Variants in FAM83B observed in about 807,000 individuals in gnomAD.
The protein encoded by FAM83B is protein FAM83B.
Under a neutral mutation model 38.8 loss-of-function variants are expected in FAM83B, and 26 were observed. That is an observed-to-expected ratio of 0.67 (90% CI 0.49 to 0.93). The LOEUF is 0.93. FAM83B is among the 40% of genes least tolerant of loss of function. FAM83B has a pLI of 0.00. For synonymous variants in FAM83B, 419 were observed against 423.1 expected (o/e 0.99, Z 0.12); for missense variants, 1,237 against 1,197.3 (o/e 1.03, Z -0.49).
At chr6:54,936,308 C>T (rs1056360348) in intron 4 of FAM83B, among the ~76,000 whole-genome samples, 2 of 152,104 alleles carry the variant, frequency 1.3e-5, no homozygotes, top group African/African-American at 4.8e-5. Flanking sequence ...CTAACCTCAA[C>T]ACTTGGAAGT....
At chr6:54,896,698 T>G (rs548249872) in intron 2 of FAM83B, among the ~76,000 whole-genome samples, 1 of 152,358 alleles carries the variant, frequency 6.6e-6, no homozygotes, top group African/African-American at 2.4e-5. Flanking sequence ...CAGAGTATTT[T>G]TAAATAATAC....
intron 2 of FAM83B, among the ~76,000 whole-genome samples, chr6:54,896,553 C>T (rs1408471646): frequency 6.6e-6 from 1 of 152,134 alleles, no homozygotes; most frequent in Non-Finnish European, 1.5e-5. Context: ...GAAGGGTTAG[C>T]TTGACGTCTA....
At chr6:54,902,267 A>C (rs1772676202) in intron 2 of FAM83B, among the ~76,000 whole-genome samples, 2 of 152,020 alleles carry the variant, frequency 1.3e-5, no homozygotes, top group African/African-American at 2.4e-5. Flanking sequence ...TCTGGATTAT[A>C]TTTCTCAAGC....
intron 2 of FAM83B, among the ~76,000 whole-genome samples, chr6:54,885,744 A>G (rs1397240242): frequency 6.7e-6 from 1 of 149,944 alleles, no homozygotes; most frequent in African/African-American, 2.5e-5. Context: ...GCACGTTCTC[A>G]CTCATAGGTG....
intron 1 of FAM83B, among the ~76,000 whole-genome samples, chr6:54,866,035 A>G (rs1771693569): frequency 1.3e-5 from 2 of 151,692 alleles, no homozygotes; most frequent in African/African-American, 4.8e-5. Context: ...ATTCCTTAAA[A>G]TAACCCAAGA....
chr6:54,903,249 A>G (rs1234779719), intron 2 of FAM83B, among the ~76,000 whole-genome samples: 3 of 152,194 alleles, frequency 2.0e-5, no homozygotes, highest in African/African-American at 7.2e-5. Context: ...TAGAGAGTGT[A>G]GTGCTGAACA....
chr6:54,915,452 C>A (rs1361091662), intron 2 of FAM83B, among the ~76,000 whole-genome samples: 1 of 152,162 alleles, frequency 6.6e-6, no homozygotes, highest in African/African-American at 2.4e-5. Flanking sequence ...TCGCCATCCA[C>A]GTTGGCATCT....
chr6:54,886,497 GT>G (rs1772278500), intron 2 of FAM83B, among the ~76,000 whole-genome samples: 2 of 151,760 alleles, frequency 1.3e-5, no homozygotes, highest in Non-Finnish European at 2.9e-5. Flanking sequence ...TCTTGTATTT[GT>G]TTTGTTTTTA....
rs892891232 is a variant in FAM83B, at chr6:54,943,654, A to G, written c.*1647A>G. 6.6e-6 allele frequency: 1 copy of G among 152,196 alleles called. No homozygotes were observed. The highest frequency in any genetic ancestry group is 1.5e-5 in the Non-Finnish European group (1 of 68,032). The allele number at this position is 152,196 out of a possible 1,614,324, so 9.4% of individuals were successfully genotyped here. A position where few individuals can be genotyped will look rare whatever the true frequency, so the allele number is the denominator to read the frequency against. ...AAAACATAGCAGGAGAAAATATGACAGGAAAAGAAAACCTAACAAAGCCCA... is the reference window on the plus strand; with the variant it reads ...AAAACATAGCAGGAGAAAATATGACGGGAAAAGAAAACCTAACAAAGCCCA... On this transcript the variant is annotated 3_prime_UTR_variant, in exon 5 of 5. Coordinates refer to ENST00000306858, the MANE Select transcript of FAM83B (RefSeq NM_001010872.3).
chr6:54,849,362 G>A (rs1266485719), intron 1 of FAM83B, among the ~76,000 whole-genome samples: 1 of 152,232 alleles, frequency 6.6e-6, no homozygotes, highest in Admixed American at 6.5e-5. Context: ...GGGAGGCTGA[G>A]TGCTGTGGGC....
chr6:54,919,080 A>G (rs1462619999), intron 2 of FAM83B, among the ~76,000 whole-genome samples: 1 of 152,144 alleles, frequency 6.6e-6, no homozygotes, highest in Non-Finnish European at 1.5e-5. Flanking sequence ...GTAACTTTTC[A>G]GGAAGTACTG....
At chr6:54,914,363 T>A (rs1395595529) in intron 2 of FAM83B, among the ~76,000 whole-genome samples, 2 of 152,216 alleles carry the variant, frequency 1.3e-5, no homozygotes, top group Non-Finnish European at 2.9e-5. Context: ...TATTTTTATA[T>A]TGAACCTAGC....
intron 2 of FAM83B, among the ~76,000 whole-genome samples, chr6:54,888,968 T>C (rs1183027051): frequency 6.6e-6 from 1 of 152,116 alleles, no homozygotes; most frequent in Non-Finnish European, 1.5e-5. Flanking sequence ...TTTCTCTCTC[T>C]GTACTTCATT....
At position 54,941,852 on chromosome 6, in the gene FAM83B, C is replaced by T. The variant is rs1295043135; in HGVS notation, c.2881C>T (p.Pro961Ser). Residue 961 changes from proline (P) to serine (S), a missense_variant, in exon 5 of 5, where the codon CCA (proline) becomes TCA (serine). By Grantham distance (74) the Pro-to-Ser change is moderately conservative. Coordinates refer to ENST00000306858, the MANE Select transcript of FAM83B (RefSeq NM_001010872.3). ...CATGCCAAATACCAGTATAAATCGC[C>T]CAGAAATAAAATCTGCGACTATGGG... ...SNMPNTSINR[P>S]EIKSATMGNS... 3.1e-6 allele frequency: 5 copies of T among 1,614,046 alleles called. No homozygotes were observed. Among genetic ancestry groups the T allele is most frequent in the African/African-American group, 2.7e-5 (2 of 75,016 alleles).
intron 4 of FAM83B, among the ~76,000 whole-genome samples, chr6:54,935,451 GA>G (rs1353354026): frequency 2.6e-5 from 4 of 152,118 alleles, no homozygotes; most frequent in African/African-American, 9.7e-5. Context: ...CAGGGGAAGA[GA>G]TATATTGAAG....
At chr6:54,922,054 T>C (rs1317865227) in intron 2 of FAM83B, among the ~76,000 whole-genome samples, 1 of 152,062 alleles carries the variant, frequency 6.6e-6, no homozygotes, top group Non-Finnish European at 1.5e-5. Flanking sequence ...AGATGTATAA[T>C]CTAGTCTTCT....
At chr6:54,919,890 A>G (rs1344186139) in intron 2 of FAM83B, among the ~76,000 whole-genome samples, 1 of 151,974 alleles carries the variant, frequency 6.6e-6, no homozygotes, top group African/African-American at 2.4e-5. Flanking sequence ...TCATTTGTTT[A>G]TTATATTTAG....
chr6:54,943,344 A>T lies in FAM83B; in HGVS notation c.*1337A>T, dbSNP rs1007354083. 3.3e-5 allele frequency: 5 copies of T among 152,220 alleles called. No homozygotes were observed. Among genetic ancestry groups the T allele is most frequent in the African/African-American group, 1.2e-4 (5 of 41,468 alleles). 9.4% of individuals were successfully genotyped at this position (152,220 alleles called of 1,614,324 possible). A position where few individuals can be genotyped will look rare whatever the true frequency, so the allele number is the denominator to read the frequency against. On this transcript the variant is annotated 3_prime_UTR_variant, in exon 5 of 5. Coordinates refer to ENST00000306858, the MANE Select transcript of FAM83B (RefSeq NM_001010872.3). ...TGTCTTTCTTACAGTAATGAAGTAT[A>T]AGCTCCATATCTGTTCCAGAGACTT... is the stretch of plus-strand genomic sequence containing the variant.
chr6:54,859,319 C>T (rs1771522645), intron 1 of FAM83B, among the ~76,000 whole-genome samples: 1 of 152,156 alleles, frequency 6.6e-6, no homozygotes, highest in Non-Finnish European at 1.5e-5. Flanking sequence ...CTTGGCCTCC[C>T]AAAGTGCTGG....
Sources: gnomAD v4.1 joint callset for allele counts (sites outside exome capture counted in the v4.1 genomes callset) on GRCh38, gnomAD v4.1.1 for gene constraint, MANE v1.5 for transcripts, NCBI Gene and HGNC (gene_info 2026-07-23, HGNC 2026-07-21) for gene names.